LRRC4C: variants seen among roughly 807,000 people sequenced by gnomAD.
The protein encoded by LRRC4C is leucine-rich repeat-containing protein 4C.
LRRC4C carries 5 observed loss-of-function variants against 33.6 expected under a neutral mutation model. That is an observed-to-expected ratio of 0.15 (90% CI 0.08 to 0.31). The LOEUF (loss-of-function observed/expected upper bound fraction) is 0.31, where lower values mean the gene tolerates loss of function less well. LRRC4C is among the 10% of genes least tolerant of loss of function. LRRC4C has a pLI of 1.00. For missense variants in LRRC4C, 560 were observed against 796.7 expected (o/e 0.70, Z 3.58); for synonymous variants, 329 against 302.0 (o/e 1.09, Z -0.93).
At chr11:40,925,642 A>T (rs542074508) in intron 2 of LRRC4C, among the ~76,000 whole-genome samples, 50 of 152,332 alleles carry the variant, frequency 3.3e-4, no homozygotes, top group African/African-American at 1.1e-3. Context: ...AAAATATTTT[A>T]TATAATATTT....
At chr11:40,854,623 GGT>G (rs1047043734) in intron 2 of LRRC4C, among the ~76,000 whole-genome samples, 7 of 150,370 alleles carry the variant, frequency 4.7e-5, no homozygotes, top group African/African-American at 1.7e-4. Flanking sequence ...TTTTTTTTCT[GGT>G]ATAGTTTTTT....
chr11:41,055,684 G>A (rs1400021121), intron 1 of LRRC4C, among the ~76,000 whole-genome samples: 1 of 151,992 alleles, frequency 6.6e-6, no homozygotes, highest in Non-Finnish European at 1.5e-5. Context: ...CTGTAAAGGG[G>A]GTTGAATTTA....
intron 1 of LRRC4C, among the ~76,000 whole-genome samples, chr11:41,234,664 G>A (rs1189694123): frequency 2.0e-5 from 3 of 152,016 alleles, no homozygotes; most frequent in South Asian, 4.1e-4. Context: ...ATCATAATCC[G>A]AATGGATGGA....
chr11:40,236,106 A>AT, intron 5 of LRRC4C, among the ~76,000 whole-genome samples: 1 of 152,152 alleles, frequency 6.6e-6, no homozygotes, highest in South Asian at 2.1e-4. Context: ...AAAAAAAAAA[A>AT]CAGCTACCAC....
chr11:40,873,291 C>T, intron 2 of LRRC4C, among the ~76,000 whole-genome samples: 1 of 152,142 alleles, frequency 6.6e-6, no homozygotes, highest in East Asian at 1.9e-4. Flanking sequence ...TGCTGCAGTG[C>T]CTCAATAATG....
At chr11:40,543,762 T>C (rs954971255) in intron 3 of LRRC4C, among the ~76,000 whole-genome samples, 5 of 152,154 alleles carry the variant, frequency 3.3e-5, no homozygotes, top group Admixed American at 2.6e-4. Flanking sequence ...GGTCTTGGAT[T>C]TTATGACAAA....
chr11:40,289,435 G>A (rs1262022367), intron 4 of LRRC4C, among the ~76,000 whole-genome samples: 2 of 152,114 alleles, frequency 1.3e-5, no homozygotes, highest in African/African-American at 4.8e-5. Context: ...CTACATTTGA[G>A]GAAGAAGATA....
At chr11:40,843,166 G>C (rs1014418522) in intron 2 of LRRC4C, among the ~76,000 whole-genome samples, 1 of 152,058 alleles carries the variant, frequency 6.6e-6, no homozygotes, top group Non-Finnish European at 1.5e-5. Flanking sequence ...AGCCACATTG[G>C]ATGACTGTTT....
chr11:40,496,037 A>T (rs966300496), intron 3 of LRRC4C, among the ~76,000 whole-genome samples: 1 of 151,724 alleles, frequency 6.6e-6, no homozygotes, highest in African/African-American at 2.4e-5. Context: ...ACCTGGTTTC[A>T]CCAGGCTGGT....
Position 40,156,674 on chromosome 11 carries a change from C to T in LRRC4C, c.-95-15821G>A, listed in dbSNP as rs557740110. Among the ~76,000 whole-genome samples the T allele has an allele frequency of 2.0e-5, 3 of 150,922 alleles. No individual in the cohort carries two copies. In the South Asian group the frequency reaches 6.3e-4, roughly 32 times the overall value. ...CAAGCAACCAAACAAACAAAAAAAC[C>T]CAACAACAACAACACTTAGAATATA... On this transcript the variant is annotated intron_variant, in intron 5 of 6. Coordinates refer to ENST00000528697, the MANE Select transcript of LRRC4C (RefSeq NM_001258419.2).
intron 1 of LRRC4C, among the ~76,000 whole-genome samples, chr11:41,351,413 A>T (rs1450804059): frequency 6.6e-6 from 1 of 152,186 alleles, no homozygotes; most frequent in East Asian, 1.9e-4. Context: ...CACTTAGAAA[A>T]CATATTGAAG....
intron 1 of LRRC4C, among the ~76,000 whole-genome samples, chr11:41,313,160 G>C (rs910680687): frequency 6.6e-6 from 1 of 152,180 alleles, no homozygotes; most frequent in African/African-American, 2.4e-5. Context: ...CAGTTCCAGG[G>C]TTGGTTAAAT....
At chr11:41,109,513 CA>C (rs1391395321) in intron 1 of LRRC4C, among the ~76,000 whole-genome samples, 1 of 152,076 alleles carries the variant, frequency 6.6e-6, no homozygotes, top group African/African-American at 2.4e-5. Context: ...CCAGAGCCCT[CA>C]AGGGCTTTGA....
intron 1 of LRRC4C, among the ~76,000 whole-genome samples, chr11:41,273,047 A>C (rs1182307235): frequency 1.3e-5 from 2 of 152,226 alleles, no homozygotes; most frequent in Non-Finnish European, 2.9e-5. Flanking sequence ...CATATAGCTC[A>C]TATTCTAGTG....
chr11:40,490,916 G>T (rs1391986271), intron 3 of LRRC4C, among the ~76,000 whole-genome samples: 1 of 152,062 alleles, frequency 6.6e-6, no homozygotes, highest in Non-Finnish European at 1.5e-5. Context: ...CTGAGTGACT[G>T]TACTGCTTGT....
intron 3 of LRRC4C, among the ~76,000 whole-genome samples, chr11:40,383,932 T>TG (rs1565336060): frequency 2.7e-5 from 4 of 148,078 alleles, no homozygotes; most frequent in African/African-American, 9.8e-5. Context: ...TTATTATTAT[T>TG]ATTATTATTA....
intron 2 of LRRC4C, among the ~76,000 whole-genome samples, chr11:40,859,805 G>A (rs762813776): frequency 3.3e-5 from 5 of 152,150 alleles, no homozygotes; most frequent in Non-Finnish European, 5.9e-5. Context: ...GGCCGGACGC[G>A]GTGGCTCACG....
intron 1 of LRRC4C, among the ~76,000 whole-genome samples, chr11:41,408,586 T>G (rs990297873): frequency 1.8e-4 from 27 of 152,136 alleles, no homozygotes; most frequent in African/African-American, 6.5e-4. Context: ...TAACCCTCTT[T>G]CATAGGACAC....
intron 2 of LRRC4C, among the ~76,000 whole-genome samples, chr11:40,773,045 C>A (rs916385901): frequency 6.6e-6 from 1 of 152,130 alleles, no homozygotes; most frequent in Admixed American, 6.5e-5. Context: ...TCCTGTCATT[C>A]ACAATAACTT....
Sources: gnomAD v4.1 joint callset for allele counts (sites outside exome capture counted in the v4.1 genomes callset) on GRCh38, gnomAD v4.1.1 for gene constraint, MANE v1.5 for transcripts, NCBI Gene and HGNC (gene_info 2026-07-23, HGNC 2026-07-21) for gene names.